CD58: variants seen among roughly 807,000 people sequenced by gnomAD.
The protein encoded by CD58 is CD58 molecule.
A neutral mutation model predicts 27.6 loss-of-function variants in CD58; 14 were observed. That is an observed-to-expected ratio of 0.51 (90% CI 0.34 to 0.79). The LOEUF is 0.79. Ranked by LOEUF, CD58 falls within the 30% of genes least tolerant of loss-of-function variation. CD58 has a pLI of 0.02. For missense variants in CD58, 268 were observed against 301.7 expected (o/e 0.89, Z 0.83); for synonymous variants, 117 against 103.8 (o/e 1.13, Z -0.77).
In CD58 at chr1:116,552,595, C is replaced by T. The variant is rs921507735; in HGVS notation, c.71-7991G>A. Among the ~76,000 whole-genome samples, 4 of 152,326 alleles carry T rather than the reference C, an allele frequency of 2.6e-5. No homozygotes were observed. In the East Asian group the frequency reaches 7.7e-4, roughly 29 times the overall value. On this transcript the variant is annotated intron_variant, in intron 1 of 5. Coordinates refer to ENST00000369489, the MANE Select transcript of CD58 (RefSeq NM_001779.3). The surrounding 1 kb of genome is among the most constrained non-coding windows in gnomAD (Gnocchi z 4.5). ...TTTAATAAAAATGGTCTTATGCACACTTCTCTACATCCCGCCTTTCCATTA... is the reference window on the plus strand; with the variant it reads ...TTTAATAAAAATGGTCTTATGCACATTTCTCTACATCCCGCCTTTCCATTA...
chr1:116,517,155 A>G lies in CD58; in HGVS notation c.743+2076T>C, dbSNP rs944086359. Among the ~76,000 whole-genome samples the G allele has an allele frequency of 1.3e-5, 2 of 150,066 alleles. No homozygotes were observed. The highest frequency in any genetic ancestry group is 3.0e-5 in the Non-Finnish European group (2 of 67,696). On this transcript the variant is annotated intron_variant, in intron 5 of 5. Coordinates refer to ENST00000369489, the MANE Select transcript of CD58 (RefSeq NM_001779.3). The surrounding 1 kb of genome is among the most constrained non-coding windows in gnomAD (Gnocchi z 6.5). ...CCTCCACTGTAACCACCTAGATCTCAGCAGAGACCTGACTTGGCTCTCACA... is the reference window on the plus strand; with the variant it reads ...CCTCCACTGTAACCACCTAGATCTCGGCAGAGACCTGACTTGGCTCTCACA...
intron 1 of CD58, among the ~76,000 whole-genome samples, chr1:116,547,452 A>C (rs1360716150): frequency 6.6e-6 from 1 of 150,972 alleles, no homozygotes; most frequent in Admixed American, 6.6e-5. Context: ...CAGCCTCCTG[A>C]GTAGCTGGGA....
intron 3 of CD58, among the ~76,000 whole-genome samples, chr1:116,535,163 A>T (rs1571068431): frequency 6.6e-6 from 1 of 152,252 alleles, no homozygotes; most frequent in East Asian, 1.9e-4. Context: ...GATTGTCATG[A>T]TATTAACTTA....
chr1:116,521,709 T>G lies in CD58; in HGVS notation c.706+197A>C, dbSNP rs1031379217. 2.0e-6 allele frequency: 1 copy of G among 502,246 alleles called. No individual in the cohort carries two copies. The highest frequency in any genetic ancestry group is 2.0e-5 in the African/African-American group (1 of 50,780). The allele number at this position is 502,246 out of a possible 1,614,324, so 31.1% of individuals were successfully genotyped here. On this transcript the variant is annotated intron_variant, in intron 4 of 5. Transcript: ENST00000369489. This position sits in a 1 kb window ranked among gnomAD's most constrained non-coding sequence, Gnocchi z 5.6. ...GTAAAGCTCTCTGTGGCCTAAGGAT[T>G]CATTCTACCTTGAGATAATGTGGAT...
rs1657194703 is a variant in CD58 at position 116,519,405 on chromosome 1, T to C, written c.707-138A>G. ...ATCACCCTGGGATTTCCTGCTATCC[T>C]ATATGCTTTAAATCAAATCGGCTAC... On this transcript the variant is annotated intron_variant, in intron 4 of 5. Coordinates refer to ENST00000369489, the MANE Select transcript of CD58 (RefSeq NM_001779.3). The surrounding 1 kb of genome is among the most constrained non-coding windows in gnomAD (Gnocchi z 4.7). 1.3e-6 allele frequency: 1 copy of C among 763,402 alleles called. No individual in the cohort carries two copies. The highest frequency in any genetic ancestry group is 1.7e-5 in the African/African-American group (1 of 57,750). 47.3% of individuals were successfully genotyped at this position (763,402 alleles called of 1,614,324 possible).
rs1657271660 is a variant in CD58, at chr1:116,521,817, C to T, written c.706+89G>A. 3.5e-6 allele frequency: 3 copies of T among 868,946 alleles called. No homozygotes were observed. In the South Asian group the frequency reaches 4.5e-5, roughly 13 times the overall value. The allele number at this position is 868,946 out of a possible 1,614,324, so 53.8% of individuals were successfully genotyped here. On this transcript the variant is annotated intron_variant, in intron 4 of 5. Coordinates refer to ENST00000369489, the MANE Select transcript of CD58 (RefSeq NM_001779.3). This position sits in a 1 kb window ranked among gnomAD's most constrained non-coding sequence, Gnocchi z 5.6. The stretch of plus-strand genomic sequence containing the variant: ...GTTTCTTTTCAAATGTCTAAAATTT[C>T]AAACTTTATTTTCATCCTTAAACTA...
intron 4 of CD58, among the ~76,000 whole-genome samples, chr1:116,520,260 C>T (rs1341303155): frequency 6.6e-6 from 1 of 152,066 alleles, no homozygotes; most frequent in East Asian, 1.9e-4. Context: ...TACAGGCATG[C>T]ACCACCATGC....
intron 3 of CD58, among the ~76,000 whole-genome samples, chr1:116,525,311 A>T (rs560611297): frequency 6.6e-6 from 1 of 152,262 alleles, no homozygotes; most frequent in South Asian, 2.1e-4. Context: ...TTCAGATTGG[A>T]TTCTTTGACT....
rs1375427179 is a variant in CD58 at position 116,523,784 on chromosome 1, C to T, written c.629-1801G>A. Among the ~76,000 whole-genome samples, 1 of 152,188 alleles carries T rather than the reference C, an allele frequency of 6.6e-6. No individual in the cohort carries two copies. Among genetic ancestry groups the T allele is most frequent in the Non-Finnish European group, 1.5e-5 (1 of 68,040 alleles). ...ACAATCTTCACATAAAGATAAACTG[C>T]CCCTCATCAACAATGTGGTTACTCT... On this transcript the variant is annotated intron_variant, in intron 3 of 5. Transcript: ENST00000369489. The surrounding 1 kb of genome is among the most constrained non-coding windows in gnomAD (Gnocchi z 4.4).
chr1:116,533,102 G>A, intron 3 of CD58: 4 of 746,768 alleles, frequency 5.4e-6, no homozygotes, highest in Non-Finnish European at 1.0e-5. Context: ...GTACAGCACA[G>A]CCTGTGGTCC....
Position 116,521,825 on chromosome 1 carries a change from A to AT in CD58, c.706+80dup. ...TCAAATGTCTAAAATTTCAAACTTT[A>AT]TTTTCATCCTTAAACTATTTTCTGA... On this transcript the variant is annotated intron_variant, in intron 4 of 5. Coordinates refer to ENST00000369489, the MANE Select transcript of CD58 (RefSeq NM_001779.3). The surrounding 1 kb of genome is among the most constrained non-coding windows in gnomAD (Gnocchi z 5.6). The AT allele has an allele frequency of 1.1e-6, 1 of 916,216 alleles. No individual in the cohort carries two copies. The highest frequency in any genetic ancestry group is 1.7e-6 in the Non-Finnish European group (1 of 583,864). The allele number at this position is 916,216 out of a possible 1,614,324, so 56.8% of individuals were successfully genotyped here.
At position 116,524,458 on chromosome 1, in the gene CD58, A is replaced by G. The variant is rs1358724069; in HGVS notation, c.629-2475T>C. On this transcript the variant is annotated intron_variant, in intron 3 of 5. Transcript: ENST00000369489. The surrounding 1 kb of genome is among the most constrained non-coding windows in gnomAD (Gnocchi z 4.6). Reference sequence around the variant, plus strand: ...CACAATTTTCTAAGAGACAAAATACATTAATGGGTCATGCTGGCATTATGC... The same window carrying G: ...CACAATTTTCTAAGAGACAAAATACGTTAATGGGTCATGCTGGCATTATGC... Among the ~76,000 whole-genome samples, 4 of 152,234 alleles carry G rather than the reference A, an allele frequency of 2.6e-5. No individual in the cohort carries two copies. The highest frequency in any genetic ancestry group is 2.1e-4 in the South Asian group (1 of 4,834).
At chr1:116,533,762 T>C in intron 3 of CD58, 3 of 714,112 alleles carry the variant, frequency 4.2e-6, no homozygotes, top group Non-Finnish European at 7.8e-6. Flanking sequence ...ACATCACCGG[T>C]GATAAATTCT....
chr1:116,528,055 A>ACGCAG lies in CD58; in HGVS notation c.629-6077_629-6073dup, dbSNP rs1657482618. On this transcript the variant is annotated intron_variant, in intron 3 of 5. Transcript: ENST00000369489. This position sits in a 1 kb window ranked among gnomAD's most constrained non-coding sequence, Gnocchi z 4.4. The stretch of plus-strand genomic sequence containing the variant: ...TGGGATTATAGGCATAAGCCACTGC[A>ACGCAG]CGCAGCGTTCTTTCTCAATTTTTAA... Among the ~76,000 whole-genome samples, 9 of 152,288 alleles carry ACGCAG rather than the reference A, an allele frequency of 5.9e-5. No individual in the cohort carries two copies. In the South Asian group the frequency reaches 1.9e-3, roughly 32 times the overall value.
chr1:116,537,405 C>T (rs1657847465), intron 2 of CD58, among the ~76,000 whole-genome samples: 1 of 152,212 alleles, frequency 6.6e-6, no homozygotes, highest in Non-Finnish European at 1.5e-5. Flanking sequence ...TTCCATAACA[C>T]GTCTGACTCA....
chr1:116,566,479 C>G (rs1415935986), intron 1 of CD58, among the ~76,000 whole-genome samples: 2 of 152,202 alleles, frequency 1.3e-5, no homozygotes, highest in Admixed American at 1.3e-4. Flanking sequence ...TGTGGGCACA[C>G]TTTGCACCCA....
chr1:116,547,565 G>A (rs1361651053), intron 1 of CD58, among the ~76,000 whole-genome samples: 2 of 151,870 alleles, frequency 1.3e-5, no homozygotes, highest in Admixed American at 6.6e-5. Context: ...TCCTGACCTC[G>A]TGATCTGCCC....
At position 116,541,170 on chromosome 1, in the gene CD58, T is replaced by C. The variant is rs1343344939; in HGVS notation, c.364+3141A>G. 6.6e-6 allele frequency among the ~76,000 whole-genome samples: 1 copy of C among 152,240 alleles called. No individual in the cohort carries two copies. Among genetic ancestry groups the C allele is most frequent in the Non-Finnish European group, 1.5e-5 (1 of 68,038 alleles). On this transcript the variant is annotated intron_variant, in intron 2 of 5. Coordinates refer to ENST00000369489, the MANE Select transcript of CD58 (RefSeq NM_001779.3). The surrounding 1 kb of genome is among the most constrained non-coding windows in gnomAD (Gnocchi z 5.3). ...GTTTAAGAGGAGAAATTTATTCAAA[T>C]GTTTTGAATTAGTTTTACAAACTCT...
At chr1:116,548,331 T>G (rs1259272690) in intron 1 of CD58, among the ~76,000 whole-genome samples, 1 of 144,402 alleles carries the variant, frequency 6.9e-6, no homozygotes, top group Admixed American at 7.1e-5. Context: ...TCTTTGTTTT[T>G]GTTGCATTTG....
Sources: allele counts gnomAD v4.1 joint callset (sites outside exome capture counted in the v4.1 genomes callset), GRCh38; gene constraint gnomAD v4.1.1; non-coding constraint Gnocchi (gnomAD v3.1); transcripts MANE v1.5; gene names NCBI Gene and HGNC (gene_info 2026-07-23, HGNC 2026-07-21).